ADGRB1: variants seen among roughly 807,000 people sequenced by gnomAD.
ADGRB1 encodes the protein brain-specific angiogenesis inhibitor 1.
ADGRB1 carries 36 observed loss-of-function variants against 175.7 expected under a neutral mutation model. The ratio of observed to expected loss-of-function variants is 0.20; its 90% CI spans 0.16 to 0.27. ADGRB1 has a LOEUF of 0.27. Ranked by LOEUF, ADGRB1 falls within the 10% of genes least tolerant of loss-of-function variation. The pLI is 1.00. For synonymous variants in ADGRB1, 1,054 were observed against 979.4 expected, an observed-to-expected ratio of 1.08 and a Z score of -1.42; for missense variants, 1,731 against 2,255.3, an observed-to-expected ratio of 0.77 and a Z score of 4.71.
chr8:142,475,896 C>CGGGGCTGGCCCTTGGGAGGG (rs1554606868), intron 3 of ADGRB1, among the ~76,000 whole-genome samples: 1 of 145,214 alleles, frequency 6.9e-6, no homozygotes, highest in Admixed American at 6.7e-5. Flanking sequence ...GACCTAAACT[C>CGGGGCTGGCCCTTGGGAGGG]GGGGCTGGCC....
At chr8:142,485,861 A>G (rs995085098) in intron 13 of ADGRB1, among the ~76,000 whole-genome samples, 10 of 152,210 alleles carry the variant, frequency 6.6e-5, no homozygotes, top group African/African-American at 2.4e-4. Context: ...GAGGCCGGAA[A>G]GTCCAAGATC....
At chr8:142,517,255 G>C (rs1289238847) in intron 18 of ADGRB1, among the ~76,000 whole-genome samples, 1 of 152,206 alleles carries the variant, frequency 6.6e-6, no homozygotes, top group Non-Finnish European at 1.5e-5. Flanking sequence ...AGGAGAGTCA[G>C]GGAGGAGTGG....
intron 18 of ADGRB1, among the ~76,000 whole-genome samples, chr8:142,517,432 C>T (rs1455024280): frequency 6.6e-6 from 1 of 152,216 alleles, no homozygotes; most frequent in African/African-American, 2.4e-5. Flanking sequence ...CTGATCACCT[C>T]CCCCATGCCG....
At chr8:142,473,317 G>A (rs1227219061) in intron 2 of ADGRB1, among the ~76,000 whole-genome samples, 3 of 152,210 alleles carry the variant, frequency 2.0e-5, no homozygotes, top group Non-Finnish European at 4.4e-5. Context: ...TTAGGACCCC[G>A]TCTGTGCCTT....
At chr8:142,487,672 C>T (rs1407951188) in intron 13 of ADGRB1, among the ~76,000 whole-genome samples, 2 of 152,196 alleles carry the variant, frequency 1.3e-5, no homozygotes, top group African/African-American at 4.8e-5. Flanking sequence ...CGGCACTTCC[C>T]CAAACTCTCT....
intron 9 of ADGRB1, 37 bp downstream of exon 9, chr8:142,479,831 C>G (rs1169615800): frequency 1.3e-6 from 2 of 1,581,570 alleles, no homozygotes. Context: ...TGGGGGCTCC[C>G]GTCCTGTCCT....
Position 142,481,321 on chromosome 8 carries a change from C to T in ADGRB1, c.1896C>T (p.Ile632=). The T allele has an allele frequency of 1.9e-6, 3 of 1,613,888 alleles. No individual in the cohort carries two copies. The highest frequency in any genetic ancestry group is 2.5e-6 in the Non-Finnish European group (3 of 1,179,878). ...CCTACTGGGAGCCCCCCACCTACAT[C>T]CGCTGTGTTTCCATTGACTACAGAA... ...GIAYWEPPTY[I]RCVSIDYRNI... The change falls in exon 10 of 31, where the codon ATC becomes ATT. Residue 632 remains isoleucine, a synonymous_variant. Transcript: ENST00000517894.
intron 24 of ADGRB1, among the ~76,000 whole-genome samples, chr8:142,532,859 C>G (rs1563748349): frequency 6.6e-6 from 1 of 152,150 alleles, no homozygotes; most frequent in East Asian, 1.9e-4. Flanking sequence ...TCTCCCTTCC[C>G]CTGTCACCTC....
In ADGRB1 at chr8:142,544,732, C is replaced by A; in HGVS notation, c.*315C>A. ...CCGTGGACAGGCCCAGCGCGGCCAG[C>A]GTCCCAGGGTACCCGCCTGAGCTCC... On this transcript the variant is annotated 3_prime_UTR_variant, in exon 31 of 31. Coordinates refer to ENST00000517894, the MANE Select transcript of ADGRB1 (RefSeq NM_001702.3). The A allele has an allele frequency of 4.4e-6, 1 of 225,988 alleles. No homozygotes were observed. The highest frequency in any genetic ancestry group is 2.3e-5 in the African/African-American group (1 of 44,022). 14.0% of individuals were successfully genotyped at this position (225,988 alleles called of 1,614,324 possible). A position where few individuals can be genotyped will look rare whatever the true frequency, so the allele number is the denominator to read the frequency against.
At chr8:142,512,074 G>A (rs996716556) in intron 18 of ADGRB1, among the ~76,000 whole-genome samples, 1 of 152,258 alleles carries the variant, frequency 6.6e-6, no homozygotes. Context: ...GGTGATGTTG[G>A]CAGCTGGGGT....
At chr8:142,451,046 GCC>G (rs1839318689) in intron 1 of ADGRB1, among the ~76,000 whole-genome samples, 1 of 152,146 alleles carries the variant, frequency 6.6e-6, no homozygotes. Flanking sequence ...AACGAGCACG[GCC>G]CCCGCCCCCT....
chr8:142,489,915 C>T (rs1021827756), intron 16 of ADGRB1, among the ~76,000 whole-genome samples: 11 of 152,228 alleles, frequency 7.2e-5, no homozygotes, highest in African/African-American at 1.9e-4. Flanking sequence ...CTCCAGGCCA[C>T]GGCTGCTATG....
intron 1 of ADGRB1, among the ~76,000 whole-genome samples, chr8:142,453,846 C>T (rs970005748): frequency 6.6e-6 from 1 of 152,070 alleles, no homozygotes; most frequent in Non-Finnish European, 1.5e-5. Flanking sequence ...AGGTGTCCCA[C>T]GGAAGGGCAG....
At chr8:142,467,423 G>A (rs1439758839) in intron 2 of ADGRB1, among the ~76,000 whole-genome samples, 4 of 152,188 alleles carry the variant, frequency 2.6e-5, no homozygotes, top group Non-Finnish European at 2.9e-5. Context: ...GCTGATGATC[G>A]ACTTACTGAT....
intron 16 of ADGRB1, 80 bp downstream of exon 16, chr8:142,489,518 G>A: frequency 7.0e-7 from 1 of 1,424,034 alleles, no homozygotes; most frequent in Admixed American, 1.7e-5. Flanking sequence ...CAGCCACTAA[G>A]CCTTTGGGGC....
intron 1 of ADGRB1, among the ~76,000 whole-genome samples, chr8:142,462,114 G>A (rs529179340): frequency 6.6e-6 from 1 of 152,286 alleles, no homozygotes; most frequent in South Asian, 2.1e-4. Context: ...GGAGGCAGGG[G>A]ACATGGCAGC....
chr8:142,465,054 C>CGGGCGGATGGGGGAAGT, intron 2 of ADGRB1, 72 bp downstream of exon 2: 1 of 207,612 alleles, frequency 4.8e-6, no homozygotes, highest in Non-Finnish European at 7.4e-6. Flanking sequence ...ACAGGGGAGG[C>CGGGCGGATGGGGGAAGT]GGGCGGATGG....
intron 25 of ADGRB1, among the ~76,000 whole-genome samples, chr8:142,534,362 T>A (rs1033703685): frequency 6.6e-6 from 1 of 152,218 alleles, no homozygotes; most frequent in African/African-American, 2.4e-5. Flanking sequence ...CTCCGCGGCC[T>A]GGGCCTCACT....
chr8:142,500,265 C>CCT (rs2131956343), intron 17 of ADGRB1, among the ~76,000 whole-genome samples: 2 of 115,928 alleles, frequency 1.7e-5, no homozygotes, highest in Non-Finnish European at 1.9e-5. Flanking sequence ...TCCACCTCCC[C>CCT]ACGCGCCGCT....
Sources: gnomAD v4.1 joint callset for allele counts (sites outside exome capture counted in the v4.1 genomes callset) on GRCh38, gnomAD v4.1.1 for gene constraint, MANE v1.5 for transcripts, NCBI Gene and HGNC (gene_info 2026-07-23, HGNC 2026-07-21) for gene names.